Variants in RALGPS2 observed in about 807,000 individuals in gnomAD.
RALGPS2 encodes the protein ras-specific guanine nucleotide-releasing factor RalGPS2.
Under a neutral mutation model 86.8 loss-of-function variants are expected in RALGPS2, and 43 were observed. That is an observed-to-expected ratio of 0.50 (90% CI 0.39 to 0.64). The LOEUF (loss-of-function observed/expected upper bound fraction) is 0.64. Ranked by LOEUF, RALGPS2 falls within the 30% of genes least tolerant of loss-of-function variation. RALGPS2 has a pLI of 0.00. For missense variants in RALGPS2, 536 were observed against 694.6 expected, an observed-to-expected ratio of 0.77 and a Z score of 2.57; for synonymous variants, 243 against 231.3, an observed-to-expected ratio of 1.05 and a Z score of -0.46.
At chr1:178,853,491 T>C (rs1291541335) in intron 8 of RALGPS2, 7 of 996,720 alleles carry the variant, frequency 7.0e-6, no homozygotes, top group Middle Eastern at 2.6e-4. Flanking sequence ...TATGGATAGT[T>C]ATTTTTAACT....
Position 178,903,812 on chromosome 1 carries a change from G to T in RALGPS2, c.1630+1601G>T, listed in dbSNP as rs936936978. ...TTGTGAATTGTGCTGCTGTGAACAT[G>T]CGCATGCAAGTATCTTTTTCATATA... is the stretch of plus-strand genomic sequence containing the variant. On this transcript the variant is annotated intron_variant, in intron 18 of 19. Transcript: ENST00000367635. Among the ~76,000 whole-genome samples, 58 of 152,142 alleles carry T rather than the reference G, an allele frequency of 3.8e-4. 3 individuals are homozygous for T. Among genetic ancestry groups the T allele is most frequent in the Non-Finnish European group, 1.5e-5 (1 of 68,010 alleles).
chr1:178,794,900 C>G (rs1354948438), intron 4 of RALGPS2, among the ~76,000 whole-genome samples: 1 of 152,116 alleles, frequency 6.6e-6, no homozygotes, highest in Non-Finnish European at 1.5e-5. Context: ...ATGTTTTAGG[C>G]TGGGCGTGGT....
At chr1:178,762,436 T>A (rs1323977462) in intron 1 of RALGPS2, among the ~76,000 whole-genome samples, 3 of 152,216 alleles carry the variant, frequency 2.0e-5, no homozygotes, top group Admixed American at 2.0e-4. Flanking sequence ...GCCAAGCTGC[T>A]TTCCACAGTG....
At chr1:178,763,617 G>A (rs1480669693) in intron 1 of RALGPS2, among the ~76,000 whole-genome samples, 1 of 152,186 alleles carries the variant, frequency 6.6e-6, no homozygotes, top group Non-Finnish European at 1.5e-5. Context: ...TATGGTGAAT[G>A]GGATTACATT....
At chr1:178,785,112 A>T (rs927475343) in intron 3 of RALGPS2, among the ~76,000 whole-genome samples, 1 of 152,022 alleles carries the variant, frequency 6.6e-6, no homozygotes, top group African/African-American at 2.4e-5. Context: ...GGATAGGTCC[A>T]TAGCATATAA....
chr1:178,846,792 G>A (rs549308806), intron 8 of RALGPS2, among the ~76,000 whole-genome samples: 150 of 152,282 alleles, frequency 9.9e-4, no homozygotes, highest in Admixed American at 2.9e-3. Context: ...GAATATTTCA[G>A]TGATTTGTTT....
intron 8 of RALGPS2, chr1:178,865,440 C>T: frequency 6.2e-7 from 1 of 1,614,052 alleles, no homozygotes; most frequent in Non-Finnish European, 8.5e-7. Context: ...ACCTCATTCA[C>T]AATGTTTCCA....
At chr1:178,789,107 A>G (rs1231973323) in intron 4 of RALGPS2, among the ~76,000 whole-genome samples, 4 of 151,984 alleles carry the variant, frequency 2.6e-5, no homozygotes, top group Admixed American at 6.5e-5. Context: ...GGGTTTCACT[A>G]TGTTGGCCAG....
intron 4 of RALGPS2, among the ~76,000 whole-genome samples, chr1:178,806,585 C>T (rs1654758094): frequency 6.6e-6 from 1 of 152,062 alleles, no homozygotes; most frequent in African/African-American, 2.4e-5. Flanking sequence ...CTTCTACTGA[C>T]TTTCAAATTT....
intron 16 of RALGPS2, among the ~76,000 whole-genome samples, chr1:178,897,367 TGAGA>T (rs1158559935): frequency 1.3e-5 from 2 of 151,976 alleles, no homozygotes. Flanking sequence ...CTTTAAAAAG[TGAGA>T]GAGAGTTGGA....
intron 11 of RALGPS2, among the ~76,000 whole-genome samples, chr1:178,884,206 A>G (rs1361341257): frequency 6.6e-6 from 1 of 152,188 alleles, no homozygotes; most frequent in African/African-American, 2.4e-5. Flanking sequence ...ATAATTATAG[A>G]AGTCAATTTT....
chr1:178,873,235 G>A (rs1346317752), intron 8 of RALGPS2, among the ~76,000 whole-genome samples: 1 of 152,108 alleles, frequency 6.6e-6, no homozygotes, highest in Non-Finnish European at 1.5e-5. Flanking sequence ...GTGTTGAAGG[G>A]TGACTAGATA....
At chr1:178,801,490 G>T (rs58715481) in intron 4 of RALGPS2, among the ~76,000 whole-genome samples, 2 of 151,942 alleles carry the variant, frequency 1.3e-5, no homozygotes, top group African/African-American at 4.8e-5. Context: ...AAATAAGGAA[G>T]CCAGACAAAA....
intron 1 of RALGPS2, among the ~76,000 whole-genome samples, chr1:178,736,462 C>T (rs1423333661): frequency 6.6e-6 from 1 of 152,106 alleles, no homozygotes; most frequent in Non-Finnish European, 1.5e-5. Flanking sequence ...TACACCCAGC[C>T]TTAATTTGCA....
chr1:178,757,801 T>C (rs922205642), intron 1 of RALGPS2, among the ~76,000 whole-genome samples: 2 of 152,108 alleles, frequency 1.3e-5, no homozygotes, highest in South Asian at 2.1e-4. Context: ...TGATGCTGGC[T>C]TCATAGAATG....
At chr1:178,772,144 G>A (rs1021514150) in intron 1 of RALGPS2, among the ~76,000 whole-genome samples, 1 of 152,172 alleles carries the variant, frequency 6.6e-6, no homozygotes, top group African/African-American at 2.4e-5. Context: ...GTCCACAGTA[G>A]CACACTTTTG....
intron 8 of RALGPS2, among the ~76,000 whole-genome samples, chr1:178,838,498 T>G (rs34029342): frequency 0.017 from 2,629 of 152,202 alleles, 31 homozygotes; most frequent in Non-Finnish European, 0.03. Context: ...AGAAAGGACA[T>G]CCACACCAAA....
intron 8 of RALGPS2, among the ~76,000 whole-genome samples, chr1:178,844,866 G>C (rs1026526039): frequency 7.2e-5 from 11 of 152,056 alleles, no homozygotes; most frequent in Non-Finnish European, 1.3e-4. Flanking sequence ...GTACTACAAA[G>C]ATGCAGTAGC....
chr1:178,791,652 C>A (rs1653962237), intron 4 of RALGPS2, among the ~76,000 whole-genome samples: 1 of 152,166 alleles, frequency 6.6e-6, no homozygotes, highest in Admixed American at 6.5e-5. Context: ...ATATATATCT[C>A]CCACTCCTGA....
Sources: allele counts gnomAD v4.1 joint callset (sites outside exome capture counted in the v4.1 genomes callset), GRCh38; gene constraint gnomAD v4.1.1; transcripts MANE v1.5; gene names NCBI Gene and HGNC (gene_info 2026-07-23, HGNC 2026-07-21).